Variants in PTPRN2 observed in about 807,000 individuals in gnomAD.
PTPRN2 encodes the protein receptor-type tyrosine-protein phosphatase N2.
Under a neutral mutation model 118.8 loss-of-function variants are expected in PTPRN2, and 74 were observed. The observed-to-expected ratio is 0.62, with a 90% CI of 0.52 to 0.76. PTPRN2 has a LOEUF of 0.76. Ranked by LOEUF, PTPRN2 falls within the 30% of genes least tolerant of loss-of-function variation. The pLI, the probability that PTPRN2 is intolerant of heterozygous loss-of-function variation, is 0.00. For synonymous variants in PTPRN2, 641 were observed against 608.0 expected (o/e 1.05, Z -0.80); for missense variants, 1,481 against 1,394.4 (o/e 1.06, Z -0.99).
chr7:157,977,410 C>A lies in PTPRN2; in HGVS notation c.1724-78673G>T, dbSNP rs1014850837. ...AGGGGTTTATCAGAGATCTGGGAGC[C>A]AGGAAAGGTCTCCTGAGGGGATACT... On this transcript the variant is annotated intron_variant, in intron 11 of 22. Coordinates refer to ENST00000389418, the MANE Select transcript of PTPRN2 (RefSeq NM_002847.5). The surrounding 1 kb of genome is among the most constrained non-coding windows in gnomAD (Gnocchi z 4.6). Among the ~76,000 whole-genome samples, 1 of 151,834 alleles carries A rather than the reference C, an allele frequency of 6.6e-6. No individual in the cohort carries two copies. The highest frequency in any genetic ancestry group is 1.5e-5 in the Non-Finnish European group (1 of 67,936).
chr7:157,871,214 C>T (rs1336713547), intron 12 of PTPRN2, among the ~76,000 whole-genome samples: 1 of 152,142 alleles, frequency 6.6e-6, no homozygotes. Context: ...AAGTGGGGTC[C>T]CCAGACTGGC....
chr7:158,325,906 C>T (rs1803472305), intron 2 of PTPRN2, among the ~76,000 whole-genome samples: 1 of 152,226 alleles, frequency 6.6e-6, no homozygotes, highest in African/African-American at 2.4e-5. Flanking sequence ...CTGACCCTGC[C>T]CAGACAAAAG....
At chr7:158,035,553 C>T (rs1320896239) in intron 11 of PTPRN2, among the ~76,000 whole-genome samples, 1 of 152,180 alleles carries the variant, frequency 6.6e-6, no homozygotes, top group Non-Finnish European at 1.5e-5. Context: ...GCTGGCAGCG[C>T]ACCCCCAAGG....
intron 2 of PTPRN2, among the ~76,000 whole-genome samples, chr7:158,331,876 C>A (rs1277978827): frequency 2.0e-5 from 3 of 148,520 alleles, no homozygotes; most frequent in South Asian, 2.1e-4. Context: ...GAGCTGACAC[C>A]CGCAGACGTC....
intron 2 of PTPRN2, among the ~76,000 whole-genome samples, chr7:158,346,786 T>C (rs1201573017): frequency 6.6e-6 from 1 of 152,248 alleles, no homozygotes; most frequent in Non-Finnish European, 1.5e-5. Flanking sequence ...TTTTTAATAA[T>C]AGCCATTCTA....
intron 6 of PTPRN2, among the ~76,000 whole-genome samples, chr7:158,140,706 G>A (rs1479368592): frequency 1.3e-5 from 2 of 152,254 alleles, no homozygotes; most frequent in Non-Finnish European, 2.9e-5. Flanking sequence ...AGCGTCGGGT[G>A]TGAGGGTGTG....
At chr7:158,180,752 T>C (rs1824635354) in intron 5 of PTPRN2, among the ~76,000 whole-genome samples, 1 of 152,184 alleles carries the variant, frequency 6.6e-6, no homozygotes, top group Admixed American at 6.5e-5. Context: ...TTGGTCATTG[T>C]TGGTATATAG....
At chr7:158,134,379 A>AT in intron 8 of PTPRN2, among the ~76,000 whole-genome samples, 1 of 151,822 alleles carries the variant, frequency 6.6e-6, no homozygotes, top group East Asian at 2.0e-4. Context: ...TGGCATTGAT[A>AT]TTTTTAAAAA....
intron 21 of PTPRN2, among the ~76,000 whole-genome samples, chr7:157,566,947 A>G (rs1049851627): frequency 6.6e-6 from 1 of 152,238 alleles, no homozygotes; most frequent in Non-Finnish European, 1.5e-5. Flanking sequence ...AGGTGCCCCC[A>G]GCAACTCACC....
chr7:158,071,584 TGGTGGAGGTGCTCCTGGTGGAGGTGCTC>T (rs1408190903), intron 11 of PTPRN2, among the ~76,000 whole-genome samples: 22 of 18,638 alleles, frequency 1.2e-3, no homozygotes, highest in African/African-American at 3.4e-3. Context: ...GAGGTGCTCC[TGGTGGAGGTGCTCCTGGTGGAGGTGCTC>T]GTGGTGGAGG....
chr7:157,968,923 T>C (rs1271131846), intron 11 of PTPRN2, among the ~76,000 whole-genome samples: 1 of 152,196 alleles, frequency 6.6e-6, no homozygotes, highest in African/African-American at 2.4e-5. Context: ...GCGATGGAAG[T>C]GACCTCTGTC....
At chr7:158,107,116 G>C (rs574138361) in intron 10 of PTPRN2, among the ~76,000 whole-genome samples, 3 of 152,108 alleles carry the variant, frequency 2.0e-5, no homozygotes, top group African/African-American at 7.2e-5. Flanking sequence ...AAGGGTCCAC[G>C]TGCCCCACAT....
At chr7:158,201,062 T>TA (rs1826609343) in intron 4 of PTPRN2, among the ~76,000 whole-genome samples, 2 of 151,692 alleles carry the variant, frequency 1.3e-5, no homozygotes, top group Non-Finnish European at 2.9e-5. Context: ...AAGTGGTTTT[T>TA]TTTTTTTGAG....
chr7:157,539,407 C>G lies in PTPRN2; in HGVS notation c.*1307G>C, dbSNP rs1031464444. 2.0e-5 allele frequency: 3 copies of G among 152,190 alleles called. No individual in the cohort carries two copies. Among genetic ancestry groups the G allele is most frequent in the African/African-American group, 7.2e-5 (3 of 41,412 alleles). 9.4% of individuals were successfully genotyped at this position (152,190 alleles called of 1,614,324 possible). A position where few individuals can be genotyped will look rare whatever the true frequency, so the allele number is the denominator to read the frequency against. ...GAAGGGCGGGATGGAGGTGCGTTTTCTACGCTGAACCCCACACAGGAAATC... is the reference window on the plus strand; with the variant it reads ...GAAGGGCGGGATGGAGGTGCGTTTTGTACGCTGAACCCCACACAGGAAATC... On this transcript the variant is annotated 3_prime_UTR_variant, in exon 23 of 23. Transcript: ENST00000389418.
At chr7:157,920,152 G>A (rs561859116) in intron 11 of PTPRN2, among the ~76,000 whole-genome samples, 6 of 152,232 alleles carry the variant, frequency 3.9e-5, no homozygotes, top group South Asian at 4.2e-4. Flanking sequence ...GCAACGCATC[G>A]CTGTCTAAGA....
In PTPRN2 at chr7:157,611,466, G is replaced by A. The variant is rs974738481; in HGVS notation, c.2345-7391C>T. Among the ~76,000 whole-genome samples, 2 of 152,174 alleles carry A rather than the reference G, an allele frequency of 1.3e-5. No individual in the cohort carries two copies. The highest frequency in any genetic ancestry group is 2.9e-5 in the Non-Finnish European group (2 of 68,034). Reference sequence around the variant, plus strand: ...GTGGGGGTTGCCGTGGCCAGGCAGCGCCCGCCCAGTCACTGAGCTGACTTG... The same window carrying A: ...GTGGGGGTTGCCGTGGCCAGGCAGCACCCGCCCAGTCACTGAGCTGACTTG... On this transcript the variant is annotated intron_variant, in intron 15 of 22. Transcript: ENST00000389418. This position sits in a 1 kb window ranked among gnomAD's most constrained non-coding sequence, Gnocchi z 5.9.
At chr7:158,246,009 AG>A (rs1351293693) in intron 3 of PTPRN2, among the ~76,000 whole-genome samples, 1 of 152,034 alleles carries the variant, frequency 6.6e-6, no homozygotes, top group African/African-American at 2.4e-5. Context: ...CGAGACCGTC[AG>A]GGTGCCCTCC....
At chr7:158,275,869 G>A (rs1377597339) in intron 3 of PTPRN2, among the ~76,000 whole-genome samples, 1 of 152,160 alleles carries the variant, frequency 6.6e-6, no homozygotes, top group Non-Finnish European at 1.5e-5. Flanking sequence ...GGGACAACAG[G>A]TGGCCAAGGG....
chr7:158,133,806 T>C lies in PTPRN2; in HGVS notation c.1427A>G (p.Gln476Arg), dbSNP rs1818577557. ...CTCCTCCTTCGAGGGCCCAGGCATC[T>C]GGTTTTGGAGCTCCCCAAACGCAGC... The part of the protein sequence containing the change: ...GAAAFGELQN[Q>R]MPGPSKEEQS... Residue 476 changes from glutamine to arginine, a missense_variant, in exon 9 of 23, where the codon CAG (glutamine) becomes CGG (arginine). This residue lies in a region of PTPRN2 where 1,115 missense variants were observed against 994.2 expected (regional missense o/e 1.12). Coordinates refer to ENST00000389418, the MANE Select transcript of PTPRN2 (RefSeq NM_002847.5). 2 of 1,613,896 alleles carry C rather than the reference T, an allele frequency of 1.2e-6. No homozygotes were observed. Among genetic ancestry groups the C allele is most frequent in the African/African-American group, 1.3e-5 (1 of 74,944 alleles).
Sources: allele counts gnomAD v4.1 joint callset (sites outside exome capture counted in the v4.1 genomes callset), GRCh38; gene constraint gnomAD v4.1.1; regional missense constraint gnomAD v4.1.1; non-coding constraint Gnocchi (gnomAD v3.1); transcripts MANE v1.5; gene names NCBI Gene and HGNC (gene_info 2026-07-23, HGNC 2026-07-21).